Variants in MYO18B observed in about 807,000 individuals in gnomAD.
MYO18B encodes the protein myosin XVIIIB, also known as unconventional myosin-XVIIIb.
A neutral mutation model predicts 273.0 loss-of-function variants in MYO18B; 204 were observed. That is an observed-to-expected ratio of 0.75 (90% CI 0.67 to 0.84). The LOEUF (loss-of-function observed/expected upper bound fraction) is 0.84, where lower values mean the gene tolerates loss of function less well. Among genes scored for constraint, MYO18B ranks in the 40% least tolerant of loss-of-function variants. The probability of loss-of-function intolerance (pLI) is 0.00; values close to 1 mark genes in which losing one functional copy is unlikely to be tolerated. For missense variants in MYO18B, 3,212 were observed against 3,287.6 expected, an observed-to-expected ratio of 0.98 and a Z score of 0.56; for synonymous variants, 1,330 against 1,305.7, an observed-to-expected ratio of 1.02 and a Z score of -0.40.
In MYO18B at chr22:25,896,387, A is replaced by T. The variant is rs575989896; in HGVS notation, c.4668+1107A>T. The T allele has an allele frequency of 6.6e-5, 10 of 152,198 alleles. No individual in the cohort carries two copies. In the East Asian group the frequency reaches 1.9e-3, roughly 29 times the overall value. 9.4% of individuals were successfully genotyped at this position (152,198 alleles called of 1,614,324 possible). A position where few individuals can be genotyped will look rare whatever the true frequency, so the allele number is the denominator to read the frequency against. ...TCATTCCAACTCTTCACCTTCCATG[A>T]GCCCAGAGCCTTGTCTCCTGTCTCT... On this transcript the variant is annotated intron_variant, in intron 28 of 43. Transcript: ENST00000335473.
intron 2 of MYO18B, 30 bp downstream of exon 2, chr22:25,761,161 C>T: frequency 1.2e-6 from 2 of 1,611,592 alleles, no homozygotes; most frequent in Non-Finnish European, 1.7e-6. Flanking sequence ...GGGGCTGCAG[C>T]CATCTGCAGG....
At chr22:25,961,285 T>C (rs138684332) in intron 39 of MYO18B, among the ~76,000 whole-genome samples, 17 of 152,054 alleles carry the variant, frequency 1.1e-4, no homozygotes, top group African/African-American at 3.4e-4. Flanking sequence ...TGGGTCTCCA[T>C]TGCCTTCAGA....
At chr22:26,041,490 C>CCA in the MYO18B span, among the ~76,000 whole-genome samples, 2 of 152,038 alleles carry the variant, frequency 1.3e-5, no homozygotes, top group Non-Finnish European at 2.9e-5. Flanking sequence ...CAAGACTGTG[C>CCA]CACTGCACTC....
At chr22:25,975,912 A>G (rs1454704098) in intron 39 of MYO18B, among the ~76,000 whole-genome samples, 7 of 152,328 alleles carry the variant, frequency 4.6e-5, no homozygotes, top group African/African-American at 1.7e-4. Flanking sequence ...CACTTTTAAG[A>G]TGAGGTCACA....
chr22:25,764,279 C>T (rs528980361), intron 3 of MYO18B, among the ~76,000 whole-genome samples: 2 of 152,352 alleles, frequency 1.3e-5, no homozygotes, highest in South Asian at 2.1e-4. Context: ...TGCTATTTCT[C>T]TCTTGTCCTC....
downstream of MYO18B, among the ~76,000 whole-genome samples, chr22:26,031,384 G>C (rs889552279): frequency 1.4e-4 from 22 of 152,216 alleles, no homozygotes; most frequent in Middle Eastern, 0.01. Context: ...AGGTCAGCTG[G>C]GTAAATTCCT....
intron 28 of MYO18B, 132 bp downstream of exon 28, chr22:25,895,412 C>G (rs1349583104): frequency 5.9e-6 from 6 of 1,025,550 alleles, no homozygotes; most frequent in South Asian, 3.4e-5. Context: ...TAAGGTTTTT[C>G]CATCTCCACT....
intron 1 of MYO18B, among the ~76,000 whole-genome samples, chr22:25,752,132 G>GTTCATTCATTCA (rs112427228): frequency 0.018 from 2,789 of 151,380 alleles, 98 homozygotes; most frequent in African/African-American, 0.064. Flanking sequence ...ATTTCTAACT[G>GTTCATTCATTCA]TTCATTCATT....
At chr22:25,750,721 G>A (rs2085907408) in intron 1 of MYO18B, among the ~76,000 whole-genome samples, 5 of 152,246 alleles carry the variant, frequency 3.3e-5, no homozygotes, top group Admixed American at 3.3e-4. Flanking sequence ...GGCCAGTGGA[G>A]GGGAGGGCAG....
chr22:25,843,808 G>A lies in MYO18B; in HGVS notation c.3282G>A (p.Val1094=). ...TCCACCAGTTGGGATGGGACCCTGTGCGGTACGACCTCACGGGCTGGCTCC... is the reference window on the plus strand; with the variant it reads ...TCCACCAGTTGGGATGGGACCCTGTACGGTACGACCTCACGGGCTGGCTCC... The part of the protein sequence containing the change: ...EIFHQLGWDP[V]RYDLTGWLHR... The change falls in exon 18 of 44, where the codon GTG becomes GTA. Residue 1094 remains valine (V), a synonymous_variant. Coordinates refer to ENST00000335473, the MANE Select transcript of MYO18B (RefSeq NM_032608.7). 1 of 1,613,952 alleles carries A rather than the reference G, an allele frequency of 6.2e-7. No individual in the cohort carries two copies. Among genetic ancestry groups the A allele is most frequent in the Non-Finnish European group, 8.5e-7 (1 of 1,179,848 alleles).
chr22:26,014,117 G>C (rs1451723182), intron 42 of MYO18B, among the ~76,000 whole-genome samples: 1 of 151,984 alleles, frequency 6.6e-6, no homozygotes, highest in Non-Finnish European at 1.5e-5. Flanking sequence ...TGTAGACATT[G>C]TATTGATTTA....
chr22:25,874,114 A>G (rs766913935), intron 22 of MYO18B, among the ~76,000 whole-genome samples, 172 bp from the exon 23 acceptor site: 1 of 152,224 alleles, frequency 6.6e-6, no homozygotes, highest in South Asian at 2.1e-4. Flanking sequence ...AGGAGCCATC[A>G]GCAGACAAAA....
At chr22:25,945,595 C>T (rs576742995) in intron 34 of MYO18B, among the ~76,000 whole-genome samples, 3 of 152,014 alleles carry the variant, frequency 2.0e-5, no homozygotes, top group South Asian at 2.1e-4. Context: ...ACATGAGGGC[C>T]GCCTGTATAT....
intron 35 of MYO18B, 100 bp downstream of exon 35, chr22:25,946,350 G>A: frequency 1.4e-6 from 1 of 737,578 alleles, no homozygotes; most frequent in Non-Finnish European, 2.2e-6. Context: ...GAAGTATGAG[G>A]ACATTTATTG....
chr22:25,874,476 G>C, intron 23 of MYO18B, 62 bp downstream of exon 23: 1 of 1,556,690 alleles, frequency 6.4e-7, no homozygotes. Context: ...CATAGGGTCT[G>C]CCTGTCTTTC....
chr22:25,943,169 C>G (rs1408390243), intron 34 of MYO18B, among the ~76,000 whole-genome samples: 1 of 152,148 alleles, frequency 6.6e-6, no homozygotes, highest in East Asian at 1.9e-4. Flanking sequence ...AGGGGCCCTG[C>G]GTGAGGCCTC....
chr22:25,890,463 T>A (rs2091627908), intron 25 of MYO18B, among the ~76,000 whole-genome samples: 1 of 152,228 alleles, frequency 6.6e-6, no homozygotes. Flanking sequence ...TTCAATGGAT[T>A]ATCTCCTTGA....
intron 38 of MYO18B, 59 bp from the exon 39 acceptor site, chr22:25,955,120 C>G: frequency 6.8e-7 from 1 of 1,471,202 alleles, no homozygotes; most frequent in Non-Finnish European, 9.1e-7. Flanking sequence ...CTGAGGCTCC[C>G]TTGTTTCATA....
At chr22:25,952,249 A>G in intron 37 of MYO18B, 37 bp from the exon 38 acceptor site, 1 of 1,597,736 alleles carries the variant, frequency 6.3e-7, no homozygotes, top group East Asian at 2.3e-5. Context: ...GGTATCAGGG[A>G]CAACAGATGT....
Sources: gnomAD v4.1 joint callset for allele counts (sites outside exome capture counted in the v4.1 genomes callset) on GRCh38, gnomAD v4.1.1 for gene constraint, MANE v1.5 for transcripts, NCBI Gene and HGNC (gene_info 2026-07-23, HGNC 2026-07-21) for gene names.